Variants in OPA1 observed in about 807,000 individuals in gnomAD.
OPA1 encodes the protein dynamin-like GTPase OPA1, mitochondrial.
In OPA1, 59 loss-of-function variants were observed where a neutral mutation model predicts 152.9. The ratio of observed to expected loss-of-function variants is 0.39; its 90% CI spans 0.31 to 0.48. The LOEUF is 0.48. Ranked by LOEUF, OPA1 falls within the 20% of genes least tolerant of loss-of-function variation. The pLI, the probability that OPA1 is intolerant of heterozygous loss-of-function variation, is 0.96. For missense variants in OPA1, 1,008 were observed against 1,216.8 expected, an observed-to-expected ratio of 0.83 and a Z score of 2.55; for synonymous variants, 400 against 389.9, an observed-to-expected ratio of 1.03 and a Z score of -0.31.
intron 6 of OPA1, among the ~76,000 whole-genome samples, chr3:193,622,226 C>CT (rs758993120): frequency 0.012 from 1,283 of 107,792 alleles, 51 homozygotes; most frequent in East Asian, 0.029. Context: ...TACTCTCATT[C>CT]TTTTTTTTTT....
At chr3:193,595,912 A>G (rs1725408234) in intron 1 of OPA1, among the ~76,000 whole-genome samples, 1 of 152,184 alleles carries the variant, frequency 6.6e-6, no homozygotes, top group Non-Finnish European at 1.5e-5. Flanking sequence ...TCGTCTGTTA[A>G]AAGGAAAAGC....
intron 7 of OPA1, among the ~76,000 whole-genome samples, chr3:193,628,280 G>A (rs191471902): frequency 2.5e-4 from 38 of 151,988 alleles, no homozygotes; most frequent in African/African-American, 8.9e-4. Flanking sequence ...AATTTTCCCT[G>A]TATCTTCTCA....
In OPA1 at chr3:193,614,796, G is replaced by C; in HGVS notation, c.106G>C (p.Val36Leu). ...GSLPLQKLHL[V>L]SRSIYHSHHP... ...TTTACCACTACAAAAACTACATCTG[G>C]TTTCACGAAGCATTTATCATTCACA... The change falls in exon 2 of 31, where the codon GTT becomes CTT. Residue 36 changes from valine to leucine, a missense_variant. Val to Leu is a conservative substitution (Grantham distance 32). Around this residue, in one of 7 missense-constraint regions of OPA1, gnomAD observed 408 missense variants for 395.1 expected, o/e 1.03. Transcript: ENST00000361510. The C allele has an allele frequency of 1.9e-6, 3 of 1,613,938 alleles. No individual in the cohort carries two copies. The highest frequency in any genetic ancestry group is 2.5e-6 in the Non-Finnish European group (3 of 1,179,834).
intron 1 of OPA1, among the ~76,000 whole-genome samples, chr3:193,595,971 A>G (rs1332723532): frequency 1.3e-5 from 2 of 152,162 alleles, no homozygotes; most frequent in African/African-American, 2.4e-5. Flanking sequence ...TTTAAATTAT[A>G]TATGTATCTG....
chr3:193,688,662 A>G (rs1025133756), intron 29 of OPA1, among the ~76,000 whole-genome samples: 1 of 151,600 alleles, frequency 6.6e-6, no homozygotes, highest in East Asian at 1.9e-4. Context: ...CTTCGTCACT[A>G]TGAGCTTTGT....
At chr3:193,679,871 T>A (rs1185409500) in intron 29 of OPA1, among the ~76,000 whole-genome samples, 3 of 152,212 alleles carry the variant, frequency 2.0e-5, no homozygotes. Context: ...GACTTAAAGG[T>A]GATTTTCCAG....
At chr3:193,687,050 T>C (rs2109428816) in intron 29 of OPA1, among the ~76,000 whole-genome samples, 1 of 152,352 alleles carries the variant, frequency 6.6e-6, no homozygotes, top group Non-Finnish European at 1.5e-5. Context: ...GTTTGGCCTT[T>C]TGGTATTCAC....
At chr3:193,688,882 A>G (rs1475711109) in intron 29 of OPA1, among the ~76,000 whole-genome samples, 2 of 152,120 alleles carry the variant, frequency 1.3e-5, no homozygotes, top group African/African-American at 4.8e-5. Flanking sequence ...GCTACTTGGA[A>G]GGCTAAGGTA....
chr3:193,661,126 A>G (rs1249685996), intron 25 of OPA1, among the ~76,000 whole-genome samples: 1 of 152,194 alleles, frequency 6.6e-6, no homozygotes, highest in East Asian at 1.9e-4. Flanking sequence ...ACTTAAACCC[A>G]TAGGGGAATC....
chr3:193,687,468 CT>C (rs1721074084), intron 29 of OPA1, among the ~76,000 whole-genome samples: 1 of 152,140 alleles, frequency 6.6e-6, no homozygotes, highest in African/African-American at 2.4e-5. Flanking sequence ...AAATTTTATT[CT>C]TTATTTGTGA....
chr3:193,622,926 C>T (rs1730414958), intron 6 of OPA1, among the ~76,000 whole-genome samples: 1 of 152,134 alleles, frequency 6.6e-6, no homozygotes, highest in African/African-American at 2.4e-5. Flanking sequence ...TGCAAATTCT[C>T]CCTGGCCTTC....
At chr3:193,619,009 T>C in intron 6 of OPA1, 73 bp downstream of exon 6, 1 of 1,195,626 alleles carries the variant, frequency 8.4e-7, no homozygotes. Context: ...CTTTGGAAGA[T>C]TTTAAAATGA....
chr3:193,641,146 A>G (rs1284072002), intron 11 of OPA1, among the ~76,000 whole-genome samples: 1 of 152,222 alleles, frequency 6.6e-6, no homozygotes, highest in Non-Finnish European at 1.5e-5. Flanking sequence ...TACCTTTTAC[A>G]TTGTTACTAG....
At chr3:193,640,927 A>G (rs750360216) in intron 11 of OPA1, among the ~76,000 whole-genome samples, 3 of 152,190 alleles carry the variant, frequency 2.0e-5, no homozygotes, top group Non-Finnish European at 4.4e-5. Flanking sequence ...TCTAGATTGC[A>G]CTTTTGTGGG....
chr3:193,655,188 T>C, intron 22 of OPA1, 161 bp downstream of exon 22: 2 of 676,236 alleles, frequency 3.0e-6, no homozygotes, highest in Non-Finnish European at 4.9e-6. Context: ...CTAACCTTAA[T>C]GTTGCTACCA....
chr3:193,659,067 T>A, intron 24 of OPA1, 72 bp downstream of exon 24: 1 of 989,910 alleles, frequency 1.0e-6, no homozygotes, highest in South Asian at 1.3e-5. Flanking sequence ...TAGTGAACAT[T>A]TGTAGAAATA....
chr3:193,681,668 C>A (rs1429506078), intron 29 of OPA1, among the ~76,000 whole-genome samples: 1 of 152,204 alleles, frequency 6.6e-6, no homozygotes, highest in Non-Finnish European at 1.5e-5. Context: ...GCCATGTGCT[C>A]ACCTCATGTC....
chr3:193,671,889 G>A (rs1718002408), intron 29 of OPA1, among the ~76,000 whole-genome samples: 1 of 152,196 alleles, frequency 6.6e-6, no homozygotes, highest in Non-Finnish European at 1.5e-5. Context: ...TTACCTCATG[G>A]ATAATTTAAT....
chr3:193,611,594 C>G (rs1728251116), intron 1 of OPA1, among the ~76,000 whole-genome samples: 1 of 88,184 alleles, frequency 1.1e-5, no homozygotes, highest in Non-Finnish European at 2.1e-5. Flanking sequence ...AAGACTCCAC[C>G]TCAAAAAAAA....
Sources: allele counts gnomAD v4.1 joint callset (sites outside exome capture counted in the v4.1 genomes callset), GRCh38; gene constraint gnomAD v4.1.1; regional missense constraint gnomAD v4.1.1; transcripts MANE v1.5; gene names NCBI Gene and HGNC (gene_info 2026-07-23, HGNC 2026-07-21).